Variants in KIF24 observed in about 807,000 individuals in gnomAD.
The protein encoded by KIF24 is kinesin family member 24.
Under a neutral mutation model 118.9 loss-of-function variants are expected in KIF24, and 81 were observed. The ratio of observed to expected loss-of-function variants is 0.68; its 90% CI spans 0.57 to 0.82. The LOEUF (loss-of-function observed/expected upper bound fraction) is 0.82. Ranked by LOEUF, KIF24 falls within the 40% of genes least tolerant of loss-of-function variation. The pLI, the probability that KIF24 is intolerant of heterozygous loss-of-function variation, is 0.00. For synonymous variants in KIF24, 599 were observed against 610.0 expected, an observed-to-expected ratio of 0.98 and a Z score of 0.27; for missense variants, 1,560 against 1,661.6, an observed-to-expected ratio of 0.94 and a Z score of 1.06.
At chr9:34,270,859 A>AC (rs1437595009) in intron 7 of KIF24, among the ~76,000 whole-genome samples, 1 of 144,430 alleles carries the variant, frequency 6.9e-6, no homozygotes, top group Non-Finnish European at 1.5e-5. Flanking sequence ...AAACAGAGAG[A>AC]CCCCGTCTCA....
intron 6 of KIF24, among the ~76,000 whole-genome samples, chr9:34,280,033 C>T (rs1835788879): frequency 6.6e-6 from 1 of 151,910 alleles, no homozygotes. Context: ...GCCTGTAATC[C>T]CAGCACTTTG....
chr9:34,298,979 C>T (rs1836589712), intron 3 of KIF24, among the ~76,000 whole-genome samples: 1 of 152,032 alleles, frequency 6.6e-6, no homozygotes, highest in Non-Finnish European at 1.5e-5. Flanking sequence ...ATTAATTCAG[C>T]AGCTGTAATT....
chr9:34,268,104 C>A (rs1378184798), intron 8 of KIF24, among the ~76,000 whole-genome samples: 1 of 152,140 alleles, frequency 6.6e-6, no homozygotes, highest in African/African-American at 2.4e-5. Context: ...AGAATTACTT[C>A]TTTAGGTAAG....
intron 6 of KIF24, among the ~76,000 whole-genome samples, chr9:34,280,744 A>T (rs996427779): frequency 6.6e-6 from 1 of 152,220 alleles, no homozygotes; most frequent in African/African-American, 2.4e-5. Context: ...CCCAGGACCC[A>T]GGAATCTAAT....
intron 1 of KIF24, among the ~76,000 whole-genome samples, chr9:34,315,430 A>G (rs1837300310): frequency 6.6e-6 from 1 of 152,210 alleles, no homozygotes; most frequent in Non-Finnish European, 1.5e-5. Context: ...AGCCATAAAA[A>G]CAATCCATAC....
At chr9:34,298,102 G>A (rs1337134176) in intron 3 of KIF24, among the ~76,000 whole-genome samples, 5 of 152,188 alleles carry the variant, frequency 3.3e-5, no homozygotes, top group Admixed American at 3.3e-4. Flanking sequence ...GAAAGGGAGT[G>A]ATGGAAGGGG....
chr9:34,302,821 T>C (rs1170941081), intron 3 of KIF24, among the ~76,000 whole-genome samples: 1 of 139,664 alleles, frequency 7.2e-6, no homozygotes, highest in South Asian at 2.3e-4. Context: ...TCTCTCCCAG[T>C]CTGGAGTGCA....
chr9:34,285,591 G>A (rs915616504), intron 6 of KIF24, among the ~76,000 whole-genome samples: 4 of 152,044 alleles, frequency 2.6e-5, no homozygotes, highest in South Asian at 2.1e-4. Context: ...TGGCAAACAC[G>A]GTGAAACCCC....
At chr9:34,331,011 T>C (rs1043896959), upstream of KIF24, among the ~76,000 whole-genome samples, 2 of 152,086 alleles carry the variant, frequency 1.3e-5, no homozygotes, top group African/African-American at 4.8e-5. Flanking sequence ...GCAAATACAC[T>C]AGTCAGTGCG....
intron 2 of KIF24, among the ~76,000 whole-genome samples, chr9:34,307,105 G>A (rs1333541630): frequency 6.6e-6 from 1 of 152,236 alleles, no homozygotes; most frequent in South Asian, 2.1e-4. Flanking sequence ...ATCTCACTCT[G>A]TCACCCAGAC....
At chr9:34,319,402 C>T (rs1173018230) in intron 1 of KIF24, 2 of 932,428 alleles carry the variant, frequency 2.1e-6, no homozygotes, top group Non-Finnish European at 3.5e-6. Flanking sequence ...AAGAACAAGG[C>T]AAACTTGTCA....
chr9:34,325,966 T>A (rs1365691241), intron 1 of KIF24, among the ~76,000 whole-genome samples: 1 of 152,214 alleles, frequency 6.6e-6, no homozygotes, highest in African/African-American at 2.4e-5. Context: ...TGGTTACAGT[T>A]CCAAGAGGAA....
chr9:34,316,509 C>T (rs1380929542), intron 1 of KIF24, among the ~76,000 whole-genome samples: 2 of 152,276 alleles, frequency 1.3e-5, no homozygotes, highest in East Asian at 1.9e-4. Flanking sequence ...GCCCTTACGA[C>T]TTTAAGAAGC....
At chr9:34,283,661 C>A (rs886202641) in intron 6 of KIF24, among the ~76,000 whole-genome samples, 2 of 151,928 alleles carry the variant, frequency 1.3e-5, no homozygotes, top group Non-Finnish European at 2.9e-5. Context: ...ATACAAATAA[C>A]CAACAAGACT....
intron 3 of KIF24, among the ~76,000 whole-genome samples, chr9:34,297,745 G>C (rs1305005005): frequency 6.8e-6 from 1 of 147,714 alleles, no homozygotes. Context: ...CTGAGTGACA[G>C]AGCGAGATTC....
In KIF24 at chr9:34,256,320, G is replaced by A. The variant is rs748304670; in HGVS notation, c.3287C>T (p.Ser1096Phe). ...GGPVVSHTVP[S>F]GDQEAALPVS... is the part of the protein sequence containing the mutation. Reference sequence around the variant, plus strand: ...TGGCAAGGCTGCCTCTTGATCACCAGATGGCACTGTGTGGCTCACAACTGG... The same window carrying A: ...TGGCAAGGCTGCCTCTTGATCACCAAATGGCACTGTGTGGCTCACAACTGG... The change falls in exon 11 of 13, where the codon TCT (serine) becomes TTT (phenylalanine). Residue 1096 changes from serine to phenylalanine, a missense_variant. Physicochemically the swap from Ser to Phe is radical, Grantham distance 155. Transcript: ENST00000402558. The A allele has an allele frequency of 1.7e-5, 28 of 1,613,290 alleles. 1 individual carries two copies. The highest frequency in any genetic ancestry group is 2.3e-5 in the Non-Finnish European group (27 of 1,179,722).
intron 3 of KIF24, among the ~76,000 whole-genome samples, chr9:34,302,286 G>A (rs528381091): frequency 3.4e-4 from 51 of 151,634 alleles, no homozygotes; most frequent in African/African-American, 1.1e-3. Flanking sequence ...TAATGCCAGC[G>A]CGGTGCCTGG....
Position 34,256,311 on chromosome 9 carries a change from T to C in KIF24, c.3296A>G (p.Gln1099Arg), listed in dbSNP as rs201935231. Residue 1099 changes from glutamine (Q) to arginine (R), a missense_variant, in exon 11 of 13, where the codon CAA (glutamine) becomes CGA (arginine). By Grantham distance (43) the Gln-to-Arg change is conservative. Around this residue, in one of 3 missense-constraint regions of KIF24, gnomAD observed 591 missense variants for 655.6 expected, o/e 0.90. Coordinates refer to ENST00000402558, the MANE Select transcript of KIF24 (RefSeq NM_194313.4). ...VVSHTVPSGD[Q>R]EAALPVSSAT... is the part of the protein sequence containing the mutation. The stretch of plus-strand genomic sequence containing the variant: ...TGAAGACACTGGCAAGGCTGCCTCT[T>C]GATCACCAGATGGCACTGTGTGGCT... The C allele has an allele frequency of 6.2e-7, 1 of 1,613,088 alleles. No individual in the cohort carries two copies. The highest frequency in any genetic ancestry group is 1.7e-5 in the Admixed American group (1 of 59,934).
chr9:34,257,248 T>G lies in KIF24; in HGVS notation c.2359A>C (p.Lys787Gln), dbSNP rs1305856115. Residue 787 changes from lysine (K) to glutamine (Q), a missense_variant, in exon 11 of 13, where the codon AAA (lysine) becomes CAA (glutamine). This residue lies in a region of KIF24 where 964 missense variants were observed against 988.0 expected (regional missense o/e 0.98). Transcript: ENST00000402558. Reference sequence around the variant, plus strand: ...GGCCTGTACTGGCGTAAAGACCTTTTCAGTGGTTGGTATTTTAACTTCTGT... The same window carrying G: ...GGCCTGTACTGGCGTAAAGACCTTTGCAGTGGTTGGTATTTTAACTTCTGT... ...LQQKLKYQPL[K>Q]RSLRQYRPPE... is the part of the protein sequence containing the mutation. The G allele has an allele frequency of 6.2e-7, 1 of 1,613,932 alleles. No homozygotes were observed. The highest frequency in any genetic ancestry group is 8.5e-7 in the Non-Finnish European group (1 of 1,179,912).
Sources: allele counts gnomAD v4.1 joint callset (sites outside exome capture counted in the v4.1 genomes callset), GRCh38; gene constraint gnomAD v4.1.1; regional missense constraint gnomAD v4.1.1; transcripts MANE v1.5; gene names NCBI Gene and HGNC (gene_info 2026-07-23, HGNC 2026-07-21).